The following ZNF483 variants were observed in gnomAD, a reference collection of about 807,000 sequenced individuals.
ZNF483 encodes the protein zinc finger protein HIT-10.
ZNF483 carries 9 observed loss-of-function variants against 28.6 expected under a neutral mutation model. That is an observed-to-expected ratio of 0.32 (90% CI 0.19 to 0.55). ZNF483 has a LOEUF of 0.55. ZNF483 is among the 20% of genes least tolerant of loss of function. The pLI is 0.93. For synonymous variants in ZNF483, 322 were observed against 306.2 expected (o/e 1.05, Z -0.54); for missense variants, 675 against 871.7 (o/e 0.77, Z 2.84).
At chr9:111,574,094 G>C (rs540556824) in intron 5 of ZNF483, 2 of 152,092 alleles carry the variant, frequency 1.3e-5, no homozygotes, top group Non-Finnish European at 2.9e-5. Context: ...TATTCCTCTC[G>C]CACCTCCAGC....
chr9:111,565,160 C>G (rs538428049), intron 5 of ZNF483, among the ~76,000 whole-genome samples: 1 of 152,088 alleles, frequency 6.6e-6, no homozygotes, highest in African/African-American at 2.4e-5. Context: ...CAAAGTCACA[C>G]AGGTGGGCCT....
At position 111,548,417 on chromosome 9, in the gene ZNF483, G is replaced by A. The variant is rs979718555; in HGVS notation, c.*5247G>A. 3.3e-5 allele frequency among the ~76,000 whole-genome samples: 5 copies of A among 152,116 alleles called. No individual in the cohort carries two copies. Among genetic ancestry groups the A allele is most frequent in the African/African-American group, 1.2e-4 (5 of 41,418 alleles). ...ATGTTTTTGATGCTGTTGTAAATGG[G>A]TCTTTGTTAGTGAAGCATAACTGAG... On this transcript the variant is annotated 3_prime_UTR_variant, in exon 6 of 6. Transcript: ENST00000309235.
At chr9:111,562,885 TACC>T (rs1828373574) in intron 5 of ZNF483, 3 of 1,210,504 alleles carry the variant, frequency 2.5e-6, no homozygotes, top group African/African-American at 3.1e-5. Context: ...CATTATTTTC[TACC>T]ACAACTCAGA....
intron 5 of ZNF483, among the ~76,000 whole-genome samples, chr9:111,564,998 C>T (rs563146290): frequency 6.6e-6 from 1 of 151,954 alleles, no homozygotes; most frequent in African/African-American, 2.4e-5. Context: ...GTGGCGTGTA[C>T]CTGTAATCCC....
chr9:111,565,488 T>C (rs1828517610), intron 5 of ZNF483, among the ~76,000 whole-genome samples: 1 of 152,218 alleles, frequency 6.6e-6, no homozygotes, highest in Non-Finnish European at 1.5e-5. Flanking sequence ...CTCTCTGTAC[T>C]ATCTTCCCAA....
intron 5 of ZNF483, among the ~76,000 whole-genome samples, chr9:111,566,156 T>C (rs1828551876): frequency 6.6e-6 from 1 of 152,044 alleles, no homozygotes; most frequent in Admixed American, 6.6e-5. Flanking sequence ...TGAGCTGAGA[T>C]CGCGCCACTG....
rs1203216615 is a variant in ZNF483 at position 111,543,456 on chromosome 9, A to T, written c.*286A>T. On this transcript the variant is annotated 3_prime_UTR_variant, in exon 6 of 6. Transcript: ENST00000309235. ...AGGGGATTTCTCTCTGATTTCTTCT[A>T]CTACCATGTAGTGTGATGGAGAGAA... 2.6e-6 allele frequency: 3 copies of T among 1,157,460 alleles called. No homozygotes were observed. In the African/African-American group the frequency reaches 4.8e-5, roughly 19 times the overall value. The allele number at this position is 1,157,460 out of a possible 1,614,324, so 71.7% of individuals were successfully genotyped here. A position where few individuals can be genotyped will look rare whatever the true frequency, so the allele number is the denominator to read the frequency against.
Position 111,527,445 on chromosome 9 carries a change from C to G in ZNF483, c.50C>G (p.Pro17Arg), listed in dbSNP as rs1827208937. Residue 17 changes from proline (P) to arginine (R), a missense_variant, in exon 2 of 6, where the codon CCT becomes CGT. Around this residue, in one of 6 missense-constraint regions of ZNF483, gnomAD observed 525 missense variants for 581.8 expected, o/e 0.90. Coordinates refer to ENST00000309235, the MANE Select transcript of ZNF483 (RefSeq NM_133464.5). ...AAGATGACAGCCATCTCACCAGAAC[C>G]TCAAACTCTGGCCTCGACTGAACAA... Reference protein sequence around the residue: ...LNKMTAISPEPQTLASTEQNE... With the variant: ...LNKMTAISPERQTLASTEQNE... 6.2e-7 allele frequency: 1 copy of G among 1,614,038 alleles called. No homozygotes were observed. Among genetic ancestry groups the G allele is most frequent in the Non-Finnish European group, 8.5e-7 (1 of 1,180,042 alleles).
At chr9:111,535,302 A>G (rs1260381220) in intron 5 of ZNF483, among the ~76,000 whole-genome samples, 2 of 152,244 alleles carry the variant, frequency 1.3e-5, no homozygotes, top group Admixed American at 6.5e-5. Flanking sequence ...ACACTGATGC[A>G]TACTATATCA....
chr9:111,548,617 T>A lies in ZNF483; in HGVS notation c.*5447T>A, dbSNP rs1827857300. 6.6e-6 allele frequency among the ~76,000 whole-genome samples: 1 copy of A among 152,246 alleles called. No individual in the cohort carries two copies. Among genetic ancestry groups the A allele is most frequent in the African/African-American group, 2.4e-5 (1 of 41,472 alleles). On this transcript the variant is annotated 3_prime_UTR_variant, in exon 6 of 6. Transcript: ENST00000309235. ...ACTTGCCAATGGCTCTAGCTAGGAC[T>A]TCCAGTACTGTGTTGAATACAAGTA...
In ZNF483 at chr9:111,554,590, A is replaced by C. The variant is rs1224329764; in HGVS notation, c.*11420A>C. ...GTTTTGTCAGTCTGATAACCCAAGA[A>C]GGCTACTAAGTGACTAACAGACAGG... On this transcript the variant is annotated 3_prime_UTR_variant, in exon 6 of 6. Transcript: ENST00000309235. Among the ~76,000 whole-genome samples, 1 of 152,184 alleles carries C rather than the reference A, an allele frequency of 6.6e-6. No homozygotes were observed. Among genetic ancestry groups the C allele is most frequent in the Non-Finnish European group, 1.5e-5 (1 of 68,014 alleles).
In ZNF483 at chr9:111,544,375, T is replaced by TAC. The variant is rs1471753092; in HGVS notation, c.*1207_*1208dup. 1 of 976,958 alleles carries TAC rather than the reference T, an allele frequency of 1.0e-6. No individual in the cohort carries two copies. Among genetic ancestry groups the TAC allele is most frequent in the Non-Finnish European group, 1.2e-6 (1 of 823,110 alleles). 60.5% of individuals were successfully genotyped at this position (976,958 alleles called of 1,614,324 possible). On this transcript the variant is annotated 3_prime_UTR_variant, in exon 6 of 6. Transcript: ENST00000309235. ...GTGTGTGTGTGTGTGTGTGTGTGTA[T>TAC]ACATTGTTGCCACTATCTAAAATTA...
rs1827845532 is a variant in ZNF483 at position 111,548,051 on chromosome 9, A to T, written c.*4881A>T. On this transcript the variant is annotated 3_prime_UTR_variant, in exon 6 of 6. Coordinates refer to ENST00000309235, the MANE Select transcript of ZNF483 (RefSeq NM_133464.5). ...AGTAATGTTTTGTAATCAGGATTAC[A>T]CTACGTTTCCTGTAGTATGTTTTTG... Among the ~76,000 whole-genome samples the T allele has an allele frequency of 6.6e-6, 1 of 152,188 alleles. No individual in the cohort carries two copies. Among genetic ancestry groups the T allele is most frequent in the African/African-American group, 2.4e-5 (1 of 41,452 alleles).
downstream of ZNF483, among the ~76,000 whole-genome samples, chr9:111,558,824 ACAC>A (rs1216192179): frequency 6.6e-6 from 1 of 152,302 alleles, no homozygotes; most frequent in African/African-American, 2.4e-5. Context: ...TTCCAATCTA[ACAC>A]CACAAGGTTC....
At chr9:111,577,519 A>C (rs1829111349) in exon 6 of ZNF483, 1 of 152,230 alleles carries the variant, frequency 6.6e-6, no homozygotes, top group Non-Finnish European at 1.5e-5. Flanking sequence ...TGTTCATAGT[A>C]ACATTATACT....
At chr9:111,564,042 T>C (rs1321314854) in intron 5 of ZNF483, 1 of 172,620 alleles carries the variant, frequency 5.8e-6, no homozygotes, top group Non-Finnish European at 1.4e-5. Flanking sequence ...GAAGGGTTCA[T>C]GTTAGTGAGA....
chr9:111,578,050 A>G (rs531653348), downstream of ZNF483, among the ~76,000 whole-genome samples: 171 of 152,196 alleles, frequency 1.1e-3, no homozygotes, highest in Middle Eastern at 3.4e-3. Context: ...TTTTGCCAAT[A>G]TAGTAAAAAA....
Position 111,552,767 on chromosome 9 carries a change from A to C in ZNF483, c.*9597A>C, listed in dbSNP as rs1380597251. ...AAAGAAAAATACTTGAAATTTTTCA[A>C]GATTTGAATTAATTGGTCTTTATTA... On this transcript the variant is annotated 3_prime_UTR_variant, in exon 6 of 6. Coordinates refer to ENST00000309235, the MANE Select transcript of ZNF483 (RefSeq NM_133464.5). Among the ~76,000 whole-genome samples the C allele has an allele frequency of 2.6e-5, 4 of 152,306 alleles. No individual in the cohort carries two copies. Among genetic ancestry groups the C allele is most frequent in the African/African-American group, 9.6e-5 (4 of 41,592 alleles).
chr9:111,542,720 C>T lies in ZNF483; in HGVS notation c.1785C>T (p.Thr595=). 6.2e-7 allele frequency: 1 copy of T among 1,613,852 alleles called. No homozygotes were observed. Among genetic ancestry groups the T allele is most frequent in the African/African-American group, 1.3e-5 (1 of 74,966 alleles). Residue 595 remains threonine (T), a synonymous_variant, in exon 6 of 6, where the codon ACC becomes ACT. Transcript: ENST00000309235. This position sits in a 1 kb window ranked among gnomAD's most constrained non-coding sequence, Gnocchi z 6.2. ...GKAFRQNSCL[T]RHQRIHTGEK... ...CCTTTAGGCAGAATTCATGCCTTAC[C>T]CGGCATCAGAGAATTCACACTGGAG...
Sources: gnomAD v4.1 joint callset for allele counts (sites outside exome capture counted in the v4.1 genomes callset) on GRCh38, gnomAD v4.1.1 for gene constraint, gnomAD v4.1.1 regional missense constraint, Gnocchi (gnomAD v3.1) non-coding constraint, MANE v1.5 for transcripts, NCBI Gene and HGNC (gene_info 2026-07-23, HGNC 2026-07-21) for gene names.